TMEM108: variants seen among roughly 807,000 people sequenced by gnomAD.
TMEM108 encodes the protein cancer/testis antigen 124.
A neutral mutation model predicts 35.1 loss-of-function variants in TMEM108; 12 were observed. That is an observed-to-expected ratio of 0.34 (90% CI 0.22 to 0.55). TMEM108 has a LOEUF of 0.55. Among genes scored for constraint, TMEM108 ranks in the 20% least tolerant of loss-of-function variants. The probability of loss-of-function intolerance (pLI) is 0.89; values close to 1 mark genes in which losing one functional copy is unlikely to be tolerated. For synonymous variants in TMEM108, 287 were observed against 308.6 expected, an observed-to-expected ratio of 0.93 and a Z score of 0.73; for missense variants, 680 against 753.3, an observed-to-expected ratio of 0.90 and a Z score of 1.14.
At chr3:133,192,143 G>GCAA (rs1458862505) in intron 2 of TMEM108, among the ~76,000 whole-genome samples, 3 of 152,198 alleles carry the variant, frequency 2.0e-5, no homozygotes, top group African/African-American at 7.2e-5. Flanking sequence ...AGGAGGAAGA[G>GCAA]TTACAATTGC....
intron 2 of TMEM108, among the ~76,000 whole-genome samples, chr3:133,188,148 G>C (rs1344906939): frequency 2.0e-5 from 3 of 152,146 alleles, no homozygotes; most frequent in African/African-American, 7.2e-5. Flanking sequence ...AATTTATAGA[G>C]AGCAAAACCA....
chr3:133,259,720 G>C (rs1946598383), intron 3 of TMEM108, among the ~76,000 whole-genome samples: 1 of 152,150 alleles, frequency 6.6e-6, no homozygotes, highest in Admixed American at 6.5e-5. Context: ...GGGCCCAGTG[G>C]CCACTAGTGA....
chr3:133,220,583 T>G (rs961519664), intron 2 of TMEM108, among the ~76,000 whole-genome samples: 1 of 152,208 alleles, frequency 6.6e-6, no homozygotes, highest in African/African-American at 2.4e-5. Flanking sequence ...TTGAATAAAT[T>G]TATGTATTTA....
intron 2 of TMEM108, chr3:133,192,723 G>A (rs1167103487): frequency 6.6e-6 from 1 of 152,368 alleles, no homozygotes; most frequent in African/African-American, 2.4e-5. Flanking sequence ...TTAATACTGA[G>A]GTGGAAATGA....
At chr3:133,073,451 CT>C (rs35002643) in intron 2 of TMEM108, among the ~76,000 whole-genome samples, 2,807 of 110,290 alleles carry the variant, frequency 0.025, 69 homozygotes, top group African/African-American at 0.068. Context: ...ACAGGATTCT[CT>C]TTTTTTTTTT....
At chr3:133,274,789 G>A (rs1193849165) in intron 3 of TMEM108, among the ~76,000 whole-genome samples, 1 of 152,090 alleles carries the variant, frequency 6.6e-6, no homozygotes, top group Non-Finnish European at 1.5e-5. Flanking sequence ...ATTTCTGCAG[G>A]CAGTGGACCT....
At chr3:133,038,485 G>T (rs553587086) in intron 1 of TMEM108, 50 bp downstream of exon 1, 10 of 152,494 alleles carry the variant, frequency 6.6e-5, no homozygotes, top group African/African-American at 2.4e-4. Flanking sequence ...GCTGGGTCCC[G>T]GCAAGCGGGT....
chr3:133,383,196 G>A (rs111603804), intron 4 of TMEM108, among the ~76,000 whole-genome samples: 5,541 of 152,206 alleles, frequency 0.036, 295 homozygotes, highest in African/African-American at 0.11. Context: ...GGATGCTCTC[G>A]TTTACAAAGT....
At chr3:133,173,640 T>G (rs1945163661) in intron 2 of TMEM108, among the ~76,000 whole-genome samples, 2 of 152,204 alleles carry the variant, frequency 1.3e-5, no homozygotes, top group South Asian at 4.1e-4. Flanking sequence ...AGCACACATA[T>G]GCAAAATGGT....
At position 133,196,730 on chromosome 3, in the gene TMEM108, C is replaced by G. The variant is rs184958677; in HGVS notation, c.-46-32536C>G. ...AACATTCAGGGCTGCTGAGTCAGCT[C>G]CATGATGCCATTGACATCCCAAGGC... is the stretch of plus-strand genomic sequence containing the variant. On this transcript the variant is annotated intron_variant, in intron 2 of 5. Transcript: ENST00000321871. 6.1e-3 allele frequency among the ~76,000 whole-genome samples: 932 copies of G among 152,310 alleles called. 5 individuals carry two copies. Among genetic ancestry groups the G allele is most frequent in the Non-Finnish European group, 9.1e-3 (621 of 68,024 alleles).
intron 2 of TMEM108, among the ~76,000 whole-genome samples, chr3:133,087,369 C>T (rs1943896619): frequency 6.6e-6 from 1 of 152,194 alleles, no homozygotes; most frequent in African/African-American, 2.4e-5. Flanking sequence ...AACTATCTCC[C>T]AGGCTTCATG....
chr3:133,258,937 ATAAT>A (rs963438607), intron 3 of TMEM108, among the ~76,000 whole-genome samples: 3 of 152,246 alleles, frequency 2.0e-5, no homozygotes, highest in Non-Finnish European at 4.4e-5. Flanking sequence ...TGATTTGAAA[ATAAT>A]TGCTTTTGTT....
Position 133,363,089 on chromosome 3 carries a change from G to A in TMEM108, c.41-16663G>A, listed in dbSNP as rs537519274. On this transcript the variant is annotated intron_variant, in intron 3 of 5. Coordinates refer to ENST00000321871, the MANE Select transcript of TMEM108 (RefSeq NM_023943.4). ...CTTACTACATGCGTGGACCATTTCT[G>A]TGTGGCCTTCCCTGCCCTGCCTTTT... is the stretch of plus-strand genomic sequence containing the variant. 2.2e-4 allele frequency among the ~76,000 whole-genome samples: 34 copies of A among 152,280 alleles called. 1 individual carries two copies. The South Asian group carries it at 7.0e-3, about 32-fold the overall frequency.
chr3:133,115,709 A>AT (rs1440546152), intron 2 of TMEM108, among the ~76,000 whole-genome samples: 4 of 152,170 alleles, frequency 2.6e-5, no homozygotes, highest in African/African-American at 9.7e-5. Context: ...TTTCTTACAG[A>AT]TTTGTTGTGA....
chr3:133,178,337 G>A (rs1333597065), intron 2 of TMEM108, among the ~76,000 whole-genome samples: 1 of 152,112 alleles, frequency 6.6e-6, no homozygotes, highest in Admixed American at 6.6e-5. Flanking sequence ...CCAAAAAAGA[G>A]CCCACATTGC....
chr3:133,136,965 A>G (rs1277850638), intron 2 of TMEM108, among the ~76,000 whole-genome samples: 20 of 152,222 alleles, frequency 1.3e-4, no homozygotes, highest in Admixed American at 1.2e-3. Flanking sequence ...TAATCATTTC[A>G]TCCTTGCTGA....
chr3:133,208,593 C>T (rs539283042), intron 2 of TMEM108, among the ~76,000 whole-genome samples: 9 of 152,170 alleles, frequency 5.9e-5, no homozygotes, highest in Non-Finnish European at 1.3e-4. Flanking sequence ...TTCCAACTAC[C>T]ACCAGCTACT....
intron 3 of TMEM108, among the ~76,000 whole-genome samples, chr3:133,374,542 T>TTATATATATATATATA (rs10580755): frequency 5.5e-5 from 8 of 145,784 alleles, no homozygotes; most frequent in African/African-American, 2.0e-4. Context: ...ATAATTTTTG[T>TTATATATATATATATA]TATATATATA....
intron 2 of TMEM108, among the ~76,000 whole-genome samples, chr3:133,093,927 CTG>C (rs1943979209): frequency 6.6e-6 from 1 of 152,100 alleles, no homozygotes; most frequent in South Asian, 2.1e-4. Context: ...ACCTAGGAAC[CTG>C]CCACTTGCAT....
Sources: gnomAD v4.1 joint callset for allele counts (sites outside exome capture counted in the v4.1 genomes callset) on GRCh38, gnomAD v4.1.1 for gene constraint, MANE v1.5 for transcripts, NCBI Gene and HGNC (gene_info 2026-07-23, HGNC 2026-07-21) for gene names.